Variants in ST8SIA3 observed in about 807,000 individuals in gnomAD.
ST8SIA3 encodes ST8 alpha-N-acetyl-neuraminide alpha-2,8-sialyltransferase 3, also known as alpha-N-acetylneuraminate alpha-2,8-sialyltransferase ST8SIA3.
A neutral mutation model predicts 34.5 loss-of-function variants in ST8SIA3; 17 were observed. That is an observed-to-expected ratio of 0.49 (90% CI 0.34 to 0.74). The LOEUF (loss-of-function observed/expected upper bound fraction) is 0.74, where lower values mean the gene tolerates loss of function less well. Among genes scored for constraint, ST8SIA3 ranks in the 30% least tolerant of loss-of-function variants. The pLI is 0.01. For synonymous variants in ST8SIA3, 172 were observed against 176.1 expected (o/e 0.98, Z 0.19); for missense variants, 354 against 467.8 (o/e 0.76, Z 2.24).
Position 57,360,243 on chromosome 18 carries a change from G to A in ST8SIA3, c.1109G>A (p.Gly370Glu), listed in dbSNP as rs768775107. 2 of 1,614,016 alleles carry A rather than the reference G, an allele frequency of 1.2e-6. No individual in the cohort carries two copies. Among genetic ancestry groups the A allele is most frequent in the Non-Finnish European group, 1.7e-6 (2 of 1,179,976 alleles). Residue 370 changes from glycine to glutamate, a missense_variant, in exon 4 of 4, where the codon GGG (glycine) becomes GAG (glutamate). Physicochemically the swap from Gly to Glu is moderately conservative, Grantham distance 98. This residue lies in a region of ST8SIA3 where 166 missense variants were observed against 245.2 expected (regional missense o/e 0.68). Transcript: ENST00000324000. ...CTGCTGTACCGAATGCATGGGGAAG[G>A]GCTCACCAAGCTGACTCTGTCACAC... Reference protein sequence around the residue: ...FQLLYRMHGEGLTKLTLSHCA With the variant: ...FQLLYRMHGEELTKLTLSHCA
Position 57,362,434 on chromosome 18 carries a change from C to A in ST8SIA3, c.*2157C>A, listed in dbSNP as rs1488408336. ...ATATAAATGCATAGACACTTTAAAC[C>A]AAGAAGATTAAAAGAGGAAAAGACC... On this transcript the variant is annotated 3_prime_UTR_variant, in exon 4 of 4. Transcript: ENST00000324000. 6.6e-6 allele frequency: 1 copy of A among 152,114 alleles called. No individual in the cohort carries two copies. Among genetic ancestry groups the A allele is most frequent in the Non-Finnish European group, 1.5e-5 (1 of 68,006 alleles). 9.4% of individuals were successfully genotyped at this position (152,114 alleles called of 1,614,324 possible).
intron 3 of ST8SIA3, 98 bp downstream of exon 3, chr18:57,357,568 G>A (rs1386640473): frequency 2.1e-6 from 2 of 959,030 alleles, no homozygotes; most frequent in South Asian, 1.6e-5. Flanking sequence ...ATTAGTTGTT[G>A]TGGTGAGTTT....
rs771685337 is a variant in ST8SIA3, at chr18:57,357,045, G to A, written c.435G>A (p.Arg145=). ...KYVFSISNNF[R]SLLPDVSPIM... ...TTTTCTCTATTAGCAATAACTTCCG[G>A]TCACTTCTTCCAGATGTGTCACCCA... Residue 145 remains arginine (R), a synonymous_variant, in exon 3 of 4, where the codon CGG becomes CGA. Coordinates refer to ENST00000324000, the MANE Select transcript of ST8SIA3 (RefSeq NM_015879.3). 4 of 1,613,880 alleles carry A rather than the reference G, an allele frequency of 2.5e-6. No individual in the cohort carries two copies. Among genetic ancestry groups the A allele is most frequent in the Non-Finnish European group, 3.4e-6 (4 of 1,179,974 alleles).
At position 57,367,405 on chromosome 18, in the gene ST8SIA3, C is replaced by T. The variant is rs1254059982; in HGVS notation, c.*7128C>T. 6.6e-6 allele frequency: 1 copy of T among 152,618 alleles called. No individual in the cohort carries two copies. The highest frequency in any genetic ancestry group is 2.4e-5 in the African/African-American group (1 of 41,448). The allele number at this position is 152,618 out of a possible 1,614,324, so 9.5% of individuals were successfully genotyped here. A position where few individuals can be genotyped will look rare whatever the true frequency, so the allele number is the denominator to read the frequency against. ...TGTTCAGATGTCTGTATTCCCAATA[C>T]ATTGCATGCAGCCTGAGCACAAGTA... On this transcript the variant is annotated 3_prime_UTR_variant, in exon 4 of 4. Coordinates refer to ENST00000324000, the MANE Select transcript of ST8SIA3 (RefSeq NM_015879.3).
In ST8SIA3 at chr18:57,364,028, G is replaced by C. The variant is rs187309909; in HGVS notation, c.*3751G>C. 2.2e-4 allele frequency: 34 copies of C among 152,252 alleles called. No homozygotes were observed. The highest frequency in any genetic ancestry group is 2.0e-3 in the Admixed American group (30 of 15,292). 9.4% of individuals were successfully genotyped at this position (152,252 alleles called of 1,614,324 possible). ...GAAAGTCTATAAAAGAGGAAAAAAG[G>C]TTCTCCTCTCCCTCCCAAAAATGAC... is the stretch of plus-strand genomic sequence containing the variant. On this transcript the variant is annotated 3_prime_UTR_variant, in exon 4 of 4. Coordinates refer to ENST00000324000, the MANE Select transcript of ST8SIA3 (RefSeq NM_015879.3).
chr18:57,363,233 C>G lies in ST8SIA3; in HGVS notation c.*2956C>G, dbSNP rs1236465442. ...GAAATAATCACAAACTTTTGGCAAC[C>G]TGCTTAATGCTAGACGCTCTGTTTT... On this transcript the variant is annotated 3_prime_UTR_variant, in exon 4 of 4. Coordinates refer to ENST00000324000, the MANE Select transcript of ST8SIA3 (RefSeq NM_015879.3). 1 of 152,150 alleles carries G rather than the reference C, an allele frequency of 6.6e-6. No homozygotes were observed. Among genetic ancestry groups the G allele is most frequent in the Non-Finnish European group, 1.5e-5 (1 of 68,036 alleles). 9.4% of individuals were successfully genotyped at this position (152,150 alleles called of 1,614,324 possible). A position where few individuals can be genotyped will look rare whatever the true frequency, so the allele number is the denominator to read the frequency against.
At chr18:57,355,656 G>A (rs945587022) in intron 2 of ST8SIA3, among the ~76,000 whole-genome samples, 2 of 151,962 alleles carry the variant, frequency 1.3e-5, no homozygotes, top group Non-Finnish European at 2.9e-5. Flanking sequence ...AACCCAGAAC[G>A]TTTTCATGGG....
chr18:57,354,334 T>C (rs202125286), intron 1 of ST8SIA3, 68 bp from the exon 2 acceptor site: 2 of 1,605,038 alleles, frequency 1.2e-6, no homozygotes, highest in African/African-American at 2.7e-5. Context: ...GCCGCTGCAC[T>C]TTAATGGCTA....
chr18:57,355,575 T>C (rs994083286), intron 2 of ST8SIA3, among the ~76,000 whole-genome samples: 1 of 152,266 alleles, frequency 6.6e-6, no homozygotes, highest in Middle Eastern at 3.4e-3. Context: ...TTCATGAAAA[T>C]TGATCAATTC....
intron 1 of ST8SIA3, 128 bp from the exon 2 acceptor site, chr18:57,354,274 G>T (rs1332578471): frequency 8.5e-7 from 1 of 1,178,838 alleles, no homozygotes; most frequent in Admixed American, 2.1e-5. Flanking sequence ...AAATGAGAGG[G>T]GCTCCGGGAC....
At position 57,352,786 on chromosome 18, in the gene ST8SIA3, G is replaced by T. The variant is rs752029597; in HGVS notation, c.-61G>T. 8.3e-6 allele frequency: 11 copies of T among 1,331,646 alleles called. No individual in the cohort carries two copies. In the African/African-American group the frequency reaches 1.6e-4, roughly 19 times the overall value. The allele number at this position is 1,331,646 out of a possible 1,614,324, so 82.5% of individuals were successfully genotyped here. ...CACACACACATATATACACGCCAGC[G>T]AGCTGCTGGCCGCTCAATGGACCGA... On this transcript the variant is annotated 5_prime_UTR_variant, in exon 1 of 4. Transcript: ENST00000324000.
At chr18:57,355,642 G>A (rs1220931508) in intron 2 of ST8SIA3, among the ~76,000 whole-genome samples, 2 of 151,870 alleles carry the variant, frequency 1.3e-5, no homozygotes, top group African/African-American at 4.8e-5. Flanking sequence ...TTAATTTTAT[G>A]GACAACCCAG....
In ST8SIA3 at chr18:57,352,700, GGGT is replaced by G; in HGVS notation, c.-146_-144del. 1 of 67,518 alleles carries G rather than the reference GGGT, an allele frequency of 1.5e-5. No homozygotes were observed. The highest frequency in any genetic ancestry group is 6.6e-5 in the South Asian group (1 of 15,126). The allele number at this position is 67,518 out of a possible 1,614,324, so 4.2% of individuals were successfully genotyped here. On this transcript the variant is annotated 5_prime_UTR_variant, in exon 1 of 4. Coordinates refer to ENST00000324000, the MANE Select transcript of ST8SIA3 (RefSeq NM_015879.3). ...CGGTGGCCTCCCCCCACCCCCGCCC[GGGT>G]CCCCCTCCTCCGCCACACGCGCGCG...
intron 3 of ST8SIA3, among the ~76,000 whole-genome samples, chr18:57,359,174 C>T (rs1027509640): frequency 6.6e-6 from 1 of 152,176 alleles, no homozygotes; most frequent in Non-Finnish European, 1.5e-5. Flanking sequence ...CAGTTTCATT[C>T]TGCCTGCATC....
chr18:57,360,479 G>A lies in ST8SIA3; in HGVS notation c.*202G>A. 1.7e-6 allele frequency: 1 copy of A among 575,068 alleles called. No homozygotes were observed. The highest frequency in any genetic ancestry group is 3.0e-6 in the Non-Finnish European group (1 of 328,370). 35.6% of individuals were successfully genotyped at this position (575,068 alleles called of 1,614,324 possible). On this transcript the variant is annotated 3_prime_UTR_variant, in exon 4 of 4. Coordinates refer to ENST00000324000, the MANE Select transcript of ST8SIA3 (RefSeq NM_015879.3). Reference sequence around the variant, plus strand: ...AGATGCATTGAAGCCACATGGTTTAGACTTGATTGATAAAGGGAATGTTGC... The same window carrying A: ...AGATGCATTGAAGCCACATGGTTTAAACTTGATTGATAAAGGGAATGTTGC...
Position 57,363,664 on chromosome 18 carries a change from G to T in ST8SIA3, c.*3387G>T, listed in dbSNP as rs1027485546. 1 of 152,194 alleles carries T rather than the reference G, an allele frequency of 6.6e-6. No homozygotes were observed. The highest frequency in any genetic ancestry group is 1.9e-4 in the East Asian group (1 of 5,194). 9.4% of individuals were successfully genotyped at this position (152,194 alleles called of 1,614,324 possible). On this transcript the variant is annotated 3_prime_UTR_variant, in exon 4 of 4. Transcript: ENST00000324000. ...TGGGGAAGCCAAGGAATGGGAGAAC[G>T]TTTTTTCTGATTTGAGTCAAGGCAC...
rs560918716 is a variant in ST8SIA3 at position 57,353,145 on chromosome 18, C to G, written c.179+120C>G. The G allele has an allele frequency of 6.3e-6, 6 of 949,406 alleles. No homozygotes were observed. The African/African-American group carries it at 9.8e-5, about 15-fold the overall frequency. The allele number at this position is 949,406 out of a possible 1,614,324, so 58.8% of individuals were successfully genotyped here. A position where few individuals can be genotyped will look rare whatever the true frequency, so the allele number is the denominator to read the frequency against. ...CGAGACTCTTTGGGCCAGATAACTG[C>G]GCGGTCCTTCCACTCCTCTCTCTAA... On this transcript the variant is annotated intron_variant, in intron 1 of 3. Coordinates refer to ENST00000324000, the MANE Select transcript of ST8SIA3 (RefSeq NM_015879.3).
intron 3 of ST8SIA3, among the ~76,000 whole-genome samples, chr18:57,358,646 G>T (rs2049812010): frequency 1.3e-5 from 2 of 152,088 alleles, no homozygotes; most frequent in African/African-American, 2.4e-5. Flanking sequence ...CTGACAAACT[G>T]GGACTGTCCC....
chr18:57,358,449 C>T (rs1336112150), intron 3 of ST8SIA3, among the ~76,000 whole-genome samples: 1 of 152,146 alleles, frequency 6.6e-6, no homozygotes, highest in African/African-American at 2.4e-5. Context: ...ATAGATTTTT[C>T]CCATCCCGTA....
Sources: gnomAD v4.1 joint callset for allele counts (sites outside exome capture counted in the v4.1 genomes callset) on GRCh38, gnomAD v4.1.1 for gene constraint, gnomAD v4.1.1 regional missense constraint, MANE v1.5 for transcripts, NCBI Gene and HGNC (gene_info 2026-07-23, HGNC 2026-07-21) for gene names.